METTL15: variants seen among roughly 807,000 people sequenced by gnomAD.
The protein encoded by METTL15 is methyltransferase 15, mitochondrial 12S rRNA N4-cytidine.
METTL15 carries 34 observed loss-of-function variants against 38.3 expected under a neutral mutation model. The observed-to-expected ratio is 0.89, with a 90% confidence interval of 0.68 to 1.18. The LOEUF is 1.18. Among genes scored for constraint, METTL15 ranks in the 50% most tolerant of loss-of-function variants. The pLI is 0.00. For missense variants in METTL15, 438 were observed against 498.4 expected, an observed-to-expected ratio of 0.88 and a Z score of 1.15; for synonymous variants, 162 against 170.9, an observed-to-expected ratio of 0.95 and a Z score of 0.41.
At chr11:28,425,104 C>G (rs1362758525) in intron 6 of METTL15, among the ~76,000 whole-genome samples, 4 of 152,122 alleles carry the variant, frequency 2.6e-5, no homozygotes, top group Non-Finnish European at 5.9e-5. Flanking sequence ...GCTCTAGTTC[C>G]TATCAGAAGA....
chr11:28,362,710 T>G (rs550842215), intron 5 of METTL15, among the ~76,000 whole-genome samples: 47 of 152,234 alleles, frequency 3.1e-4, no homozygotes, highest in Non-Finnish European at 5.6e-4. Flanking sequence ...TGTTCTTTTT[T>G]ATGGCTGCAT....
At chr11:28,211,305 A>T in intron 4 of METTL15, 107 bp downstream of exon 4, 1 of 983,524 alleles carries the variant, frequency 1.0e-6, no homozygotes. Flanking sequence ...ATTTTACTCC[A>T]GTAAATATTT....
intron 6 of METTL15, among the ~76,000 whole-genome samples, chr11:28,439,293 G>C (rs944206905): frequency 6.6e-6 from 1 of 152,160 alleles, no homozygotes; most frequent in Non-Finnish European, 1.5e-5. Context: ...TGCCCATTGT[G>C]TGTTACATAG....
chr11:28,352,926 G>A (rs1050936659), intron 4 of METTL15, among the ~76,000 whole-genome samples: 5 of 152,204 alleles, frequency 3.3e-5, no homozygotes, highest in African/African-American at 1.2e-4. Context: ...GCATGATACG[G>A]AAAAGCAGGA....
At chr11:28,434,431 A>G (rs906886737) in intron 6 of METTL15, among the ~76,000 whole-genome samples, 7 of 152,216 alleles carry the variant, frequency 4.6e-5, no homozygotes, top group African/African-American at 1.7e-4. Context: ...GCTATTTTCA[A>G]TGGTTCAGAC....
At chr11:28,284,128 A>G (rs1250837296) in intron 4 of METTL15, among the ~76,000 whole-genome samples, 2 of 152,146 alleles carry the variant, frequency 1.3e-5, no homozygotes, top group Admixed American at 6.6e-5. Context: ...AGAACAATTC[A>G]TTTCTAGAAA....
At chr11:28,453,098 G>A (rs1350979139) in intron 6 of METTL15, among the ~76,000 whole-genome samples, 1 of 152,160 alleles carries the variant, frequency 6.6e-6, no homozygotes, top group Non-Finnish European at 1.5e-5. Context: ...TAAACAATGA[G>A]ATGCTTTTTC....
intron 4 of METTL15, among the ~76,000 whole-genome samples, chr11:28,289,229 T>C (rs1856411796): frequency 6.6e-6 from 1 of 152,164 alleles, no homozygotes; most frequent in African/African-American, 2.4e-5. Flanking sequence ...CAGAAAGTCA[T>C]GCTTTATTAA....
chr11:28,505,107 A>G (rs1296805198), intron 6 of METTL15, among the ~76,000 whole-genome samples: 1 of 152,208 alleles, frequency 6.6e-6, no homozygotes, highest in Non-Finnish European at 1.5e-5. Flanking sequence ...CTGGCTGGAC[A>G]TGGCTTTTCC....
At chr11:28,329,673 A>T (rs987887788) in intron 6 of METTL15, among the ~76,000 whole-genome samples, 1 of 152,262 alleles carries the variant, frequency 6.6e-6, no homozygotes, top group South Asian at 2.1e-4. Context: ...TTATCACTTC[A>T]TTCCTATCTG....
Position 28,498,592 on chromosome 11 carries a change from T to C in METTL15, c.*425-27886T>C, listed in dbSNP as rs529768905. On this transcript the variant is annotated intron_variant and NMD_transcript_variant, in intron 6 of 7. Transcript: ENST00000532947. ...ATTCCTCAAATCTCCCTCCTACCCC[T>C]ATTTGTCCTTTCCTTTTGCACTGAC... Among the ~76,000 whole-genome samples, 10 of 152,326 alleles carry C rather than the reference T, an allele frequency of 6.6e-5. No homozygotes were observed. In the East Asian group the frequency reaches 1.9e-3, roughly 29 times the overall value.
chr11:28,320,747 A>T (rs1415921933), intron 6 of METTL15, among the ~76,000 whole-genome samples: 1 of 152,202 alleles, frequency 6.6e-6, no homozygotes, highest in East Asian at 1.9e-4. Context: ...GATGGTTTAA[A>T]TACAACCTGG....
At chr11:28,150,578 T>C (rs998036572) in intron 3 of METTL15, among the ~76,000 whole-genome samples, 2 of 151,800 alleles carry the variant, frequency 1.3e-5, no homozygotes, top group African/African-American at 4.8e-5. Flanking sequence ...AAAATGGGGG[T>C]GATTTTAAAA....
chr11:28,150,644 C>T (rs1266302035), intron 3 of METTL15, among the ~76,000 whole-genome samples: 3 of 151,718 alleles, frequency 2.0e-5, no homozygotes, highest in Non-Finnish European at 2.9e-5. Context: ...AAAAAAAACC[C>T]CTAAAATTTA....
chr11:28,226,551 CT>C, intron 4 of METTL15, among the ~76,000 whole-genome samples: 1 of 151,808 alleles, frequency 6.6e-6, no homozygotes, highest in Non-Finnish European at 1.5e-5. Context: ...TTTTCCTTCT[CT>C]TTATTTTAAG....
intron 5 of METTL15, 42 bp downstream of exon 5, chr11:28,290,439 A>G (rs779571863): frequency 1.0e-5 from 16 of 1,553,906 alleles, no homozygotes; most frequent in Admixed American, 2.0e-5. Flanking sequence ...CAAGAAATCA[A>G]TTTGTCAAAA....
At chr11:28,531,756 T>C, downstream of METTL15, among the ~76,000 whole-genome samples, 1 of 152,082 alleles carries the variant, frequency 6.6e-6, no homozygotes, top group Non-Finnish European at 1.5e-5. Context: ...AACGCTTAGC[T>C]TCCTTCCAGT....
chr11:28,123,400 C>A (rs1348422268), intron 3 of METTL15, among the ~76,000 whole-genome samples: 1 of 152,054 alleles, frequency 6.6e-6, no homozygotes, highest in Non-Finnish European at 1.5e-5. Flanking sequence ...ACTGCCTTCT[C>A]CTCATGTAAC....
chr11:28,234,464 CTG>C (rs1853845670), intron 4 of METTL15, among the ~76,000 whole-genome samples: 1 of 148,810 alleles, frequency 6.7e-6, no homozygotes, highest in South Asian at 2.1e-4. Context: ...TCTCCAGCAC[CTG>C]TTGTTTCCTG....
Sources: allele counts gnomAD v4.1 joint callset (sites outside exome capture counted in the v4.1 genomes callset), GRCh38; gene constraint gnomAD v4.1.1; transcripts MANE v1.5; gene names NCBI Gene and HGNC (gene_info 2026-07-23, HGNC 2026-07-21).